Variants in CCBE1 observed in about 807,000 individuals in gnomAD.
The protein encoded by CCBE1 is collagen and calcium binding EGF domains 1, also known as collagen and calcium-binding EGF domain-containing protein 1.
A neutral mutation model predicts 50.0 loss-of-function variants in CCBE1; 37 were observed. The ratio of observed to expected loss-of-function variants is 0.74; its 90% CI spans 0.57 to 0.97. The LOEUF (loss-of-function observed/expected upper bound fraction) is 0.97. CCBE1 is among the 50% of genes least tolerant of loss of function. The pLI is 0.00. For missense variants in CCBE1, 538 were observed against 523.8 expected, an observed-to-expected ratio of 1.03 and a Z score of -0.26; for synonymous variants, 234 against 203.7, an observed-to-expected ratio of 1.15 and a Z score of -1.27.
intron 2 of CCBE1, among the ~76,000 whole-genome samples, chr18:59,573,884 C>T (rs2052953625): frequency 6.6e-6 from 1 of 152,192 alleles, no homozygotes; most frequent in South Asian, 2.1e-4. Context: ...AGGAGCATCT[C>T]AAGGACAGGA....
At chr18:59,441,550 C>T (rs1191013544) in intron 7 of CCBE1, among the ~76,000 whole-genome samples, 2 of 151,452 alleles carry the variant, frequency 1.3e-5, no homozygotes, top group East Asian at 1.9e-4. Context: ...GCAGGACAAG[C>T]CTCAGAGGGG....
intron 2 of CCBE1, among the ~76,000 whole-genome samples, chr18:59,685,048 T>C (rs912623749): frequency 1.3e-5 from 2 of 152,208 alleles, no homozygotes; most frequent in African/African-American, 4.8e-5. Flanking sequence ...AAAACACAGC[T>C]TGACACTGAA....
At chr18:59,484,161 C>T (rs1912704775) in intron 2 of CCBE1, among the ~76,000 whole-genome samples, 1 of 152,148 alleles carries the variant, frequency 6.6e-6, no homozygotes, top group Admixed American at 6.5e-5. Context: ...AGAAGGAAAA[C>T]TGGCTTGAGT....
intron 2 of CCBE1, among the ~76,000 whole-genome samples, chr18:59,570,724 C>T (rs970858913): frequency 2.0e-5 from 3 of 152,164 alleles, no homozygotes; most frequent in South Asian, 4.1e-4. Flanking sequence ...AGCTCATTAA[C>T]GTGATATTAA....
intron 2 of CCBE1, among the ~76,000 whole-genome samples, chr18:59,637,552 GA>G (rs560327524): frequency 4.6e-5 from 7 of 151,962 alleles, no homozygotes; most frequent in Non-Finnish European, 7.4e-5. Context: ...ACAAAGGAAT[GA>G]AAAAAACAAC....
At chr18:59,612,728 G>A (rs192508725) in intron 2 of CCBE1, among the ~76,000 whole-genome samples, 1 of 151,614 alleles carries the variant, frequency 6.6e-6, no homozygotes, top group Admixed American at 6.6e-5. Flanking sequence ...AATGGGAGCC[G>A]CCCCATGCAG....
intron 2 of CCBE1, among the ~76,000 whole-genome samples, chr18:59,661,674 A>T (rs2054287548): frequency 6.6e-6 from 1 of 152,176 alleles, no homozygotes; most frequent in Non-Finnish European, 1.5e-5. Flanking sequence ...ACCTTATTTA[A>T]TAGATTCTGT....
chr18:59,634,718 G>A lies in CCBE1; in HGVS notation c.212+61911C>T, dbSNP rs553100444. Reference sequence around the variant, plus strand: ...AAAATAATTAAACTAAAACATGAGCGAGGAACAAGAGTTAAATGACCAGGG... The same window carrying A: ...AAAATAATTAAACTAAAACATGAGCAAGGAACAAGAGTTAAATGACCAGGG... On this transcript the variant is annotated intron_variant, in intron 2 of 10. Coordinates refer to ENST00000439986, the MANE Select transcript of CCBE1 (RefSeq NM_133459.4). 1.4e-3 allele frequency among the ~76,000 whole-genome samples: 209 copies of A among 152,224 alleles called. 1 individual carries two copies. The Middle Eastern group carries it at 0.024, about 17-fold the overall frequency.
chr18:59,445,801 C>T (rs1324546329), intron 7 of CCBE1, among the ~76,000 whole-genome samples: 1 of 152,160 alleles, frequency 6.6e-6, no homozygotes, highest in Non-Finnish European at 1.5e-5. Context: ...ACAATCAGTA[C>T]ACTACAGAGA....
intron 2 of CCBE1, among the ~76,000 whole-genome samples, chr18:59,592,170 G>A (rs1285367431): frequency 6.6e-6 from 1 of 152,190 alleles, no homozygotes; most frequent in Non-Finnish European, 1.5e-5. Context: ...GCTACAGTGA[G>A]CTATTATCCT....
intron 3 of CCBE1, among the ~76,000 whole-genome samples, chr18:59,470,036 G>C (rs1047032876): frequency 6.6e-6 from 1 of 152,166 alleles, no homozygotes; most frequent in South Asian, 2.1e-4. Flanking sequence ...GTGGGAGGAA[G>C]GGCTGGAAGT....
chr18:59,473,634 T>C (rs1358192997), intron 3 of CCBE1, among the ~76,000 whole-genome samples: 1 of 149,416 alleles, frequency 6.7e-6, no homozygotes, highest in Non-Finnish European at 1.5e-5. Flanking sequence ...GAAAACTTCT[T>C]CAGTATCACC....
chr18:59,653,496 A>C (rs975234175), intron 2 of CCBE1, among the ~76,000 whole-genome samples: 11 of 152,244 alleles, frequency 7.2e-5, no homozygotes, highest in Non-Finnish European at 1.3e-4. Context: ...ACCCTGTGCC[A>C]AACAGGACTG....
chr18:59,488,729 G>A (rs991058393), intron 2 of CCBE1, among the ~76,000 whole-genome samples: 6 of 152,158 alleles, frequency 3.9e-5, no homozygotes, highest in African/African-American at 1.4e-4. Flanking sequence ...TTCCTCATCT[G>A]TAAAATGGGA....
At chr18:59,546,049 C>A (rs922457920) in intron 2 of CCBE1, among the ~76,000 whole-genome samples, 1 of 152,168 alleles carries the variant, frequency 6.6e-6, no homozygotes, top group African/African-American at 2.4e-5. Flanking sequence ...CAGTCATGAA[C>A]TTTTTCTCTT....
intron 2 of CCBE1, among the ~76,000 whole-genome samples, chr18:59,485,784 G>A (rs1479648385): frequency 6.6e-6 from 1 of 151,696 alleles, no homozygotes; most frequent in Non-Finnish European, 1.5e-5. Context: ...CTTATTTTCG[G>A]TAGACAGGGT....
chr18:59,597,636 A>C (rs1343245256), intron 2 of CCBE1, among the ~76,000 whole-genome samples: 1 of 152,174 alleles, frequency 6.6e-6, no homozygotes, highest in African/African-American at 2.4e-5. Context: ...TAAAGTGTTC[A>C]CCTAGAAGTA....
At chr18:59,456,993 A>T (rs1261129376) in intron 5 of CCBE1, among the ~76,000 whole-genome samples, 1 of 152,214 alleles carries the variant, frequency 6.6e-6, no homozygotes, top group Admixed American at 6.5e-5. Flanking sequence ...GACACAAATG[A>T]TGCCATGCTG....
At position 59,563,302 on chromosome 18, in the gene CCBE1, CAATT is replaced by C. The variant is rs200691304; in HGVS notation, c.213-83068_213-83065del. On this transcript the variant is annotated intron_variant, in intron 2 of 10. Coordinates refer to ENST00000439986, the MANE Select transcript of CCBE1 (RefSeq NM_133459.4). ...AGAACAAATCTGCTAAAAATAAGCA[CAATT>C]AGTTTTTCTTGATTTTTTAAAATAC... 8.3e-3 allele frequency among the ~76,000 whole-genome samples: 1,271 copies of C among 152,324 alleles called. 19 individuals carry two copies. The highest frequency in any genetic ancestry group is 0.047 in the South Asian group (225 of 4,824).
Sources: gnomAD v4.1 joint callset for allele counts (sites outside exome capture counted in the v4.1 genomes callset) on GRCh38, gnomAD v4.1.1 for gene constraint, MANE v1.5 for transcripts, NCBI Gene and HGNC (gene_info 2026-07-23, HGNC 2026-07-21) for gene names.